CALCRL: variants seen among roughly 807,000 people sequenced by gnomAD.
CALCRL encodes calcitonin receptor like receptor, also known as calcitonin gene-related peptide type 1 receptor.
A neutral mutation model predicts 60.4 loss-of-function variants in CALCRL; 27 were observed. The observed-to-expected ratio is 0.45, with a 90% CI of 0.33 to 0.62. CALCRL has a LOEUF of 0.62. CALCRL is among the 20% of genes least tolerant of loss of function. The probability of loss-of-function intolerance (pLI) is 0.03; values close to 1 mark genes in which losing one functional copy is unlikely to be tolerated. For synonymous variants in CALCRL, 190 were observed against 182.6 expected (o/e 1.04, Z -0.33); for missense variants, 424 against 540.7 (o/e 0.78, Z 2.14).
intron 1 of CALCRL, among the ~76,000 whole-genome samples, chr2:187,393,126 C>T (rs1326259603): frequency 6.6e-6 from 1 of 151,990 alleles, no homozygotes; most frequent in African/African-American, 2.4e-5. Context: ...GTAGTAAACA[C>T]CATGTCCTCA....
chr2:187,372,611 A>G (rs1687580164), intron 8 of CALCRL, among the ~76,000 whole-genome samples: 1 of 152,166 alleles, frequency 6.6e-6, no homozygotes, highest in Non-Finnish European at 1.5e-5. Context: ...ACAGTACCCT[A>G]AATCAACTTT....
At chr2:187,363,572 A>T in intron 8 of CALCRL, 70 bp from the exon 9 acceptor site, 1 of 1,398,744 alleles carries the variant, frequency 7.1e-7, no homozygotes, top group East Asian at 2.5e-5. Flanking sequence ...TTCAAATAAG[A>T]TACATTCCCA....
intron 1 of CALCRL, among the ~76,000 whole-genome samples, chr2:187,427,590 A>G (rs558124988): frequency 1.3e-5 from 2 of 152,290 alleles, no homozygotes; most frequent in Non-Finnish European, 2.9e-5. Flanking sequence ...AATAATTGCT[A>G]TTACATTGGT....
At chr2:187,424,050 T>G (rs1690014333) in intron 1 of CALCRL, among the ~76,000 whole-genome samples, 1 of 152,056 alleles carries the variant, frequency 6.6e-6, no homozygotes, top group Admixed American at 6.6e-5. Context: ...ATTTAAAGTT[T>G]AATGGATATT....
intron 1 of CALCRL, among the ~76,000 whole-genome samples, chr2:187,435,407 A>G (rs1431244104): frequency 1.3e-5 from 2 of 152,194 alleles, no homozygotes; most frequent in African/African-American, 4.8e-5. Flanking sequence ...TAGGTCATTC[A>G]TGAGGGAGCC....
At chr2:187,396,917 C>T (rs999374727) in intron 1 of CALCRL, among the ~76,000 whole-genome samples, 3 of 151,604 alleles carry the variant, frequency 2.0e-5, no homozygotes, top group Non-Finnish European at 4.4e-5. Flanking sequence ...GGGATGATGT[C>T]TAATACCAGT....
chr2:187,381,781 A>G (rs1687995963), intron 5 of CALCRL, among the ~76,000 whole-genome samples: 1 of 152,138 alleles, frequency 6.6e-6, no homozygotes, highest in South Asian at 2.1e-4. Context: ...CTTGTCAGAT[A>G]GAGATAGAAC....
intron 1 of CALCRL, among the ~76,000 whole-genome samples, chr2:187,397,873 G>T (rs1219407636): frequency 6.6e-6 from 1 of 151,694 alleles, no homozygotes; most frequent in African/African-American, 2.4e-5. Context: ...AACAACAAAA[G>T]AAAACATTGA....
chr2:187,408,159 T>A (rs1349013247), intron 1 of CALCRL, among the ~76,000 whole-genome samples: 7 of 152,032 alleles, frequency 4.6e-5, no homozygotes, highest in African/African-American at 1.4e-4. Flanking sequence ...ATAAATACAT[T>A]AAGTATTGAA....
chr2:187,400,496 G>T (rs1023932290), intron 1 of CALCRL, among the ~76,000 whole-genome samples: 1 of 151,302 alleles, frequency 6.6e-6, no homozygotes, highest in African/African-American at 2.4e-5. Context: ...GTTAAACATA[G>T]AGTTACTATA....
chr2:187,348,014 A>G (rs1217062360), intron 14 of CALCRL, among the ~76,000 whole-genome samples: 5 of 151,790 alleles, frequency 3.3e-5, no homozygotes, highest in Admixed American at 2.0e-4. Context: ...TATGGTAACC[A>G]TATCTGAAGA....
At chr2:187,418,539 A>G (rs1056356640) in intron 1 of CALCRL, among the ~76,000 whole-genome samples, 5 of 152,012 alleles carry the variant, frequency 3.3e-5, no homozygotes, top group Admixed American at 2.6e-4. Flanking sequence ...ATCGACTTCT[A>G]TTGTTATTTT....
At chr2:187,420,654 G>C (rs557982272) in intron 1 of CALCRL, among the ~76,000 whole-genome samples, 11 of 152,076 alleles carry the variant, frequency 7.2e-5, no homozygotes, top group Non-Finnish European at 1.3e-4. Flanking sequence ...AGTGCATTGT[G>C]AGTGAAAAAA....
chr2:187,406,926 A>T (rs761406976), intron 1 of CALCRL, among the ~76,000 whole-genome samples: 30 of 152,166 alleles, frequency 2.0e-4, no homozygotes, highest in Admixed American at 1.3e-3. Flanking sequence ...AGTGTTTGTG[A>T]AGTCTACCAT....
intron 8 of CALCRL, among the ~76,000 whole-genome samples, chr2:187,377,145 C>A (rs1389955225): frequency 6.6e-6 from 1 of 151,978 alleles, no homozygotes; most frequent in African/African-American, 2.4e-5. Context: ...AATGGAAAAT[C>A]TAAAAATTTT....
chr2:187,410,523 G>A (rs1036907735), intron 1 of CALCRL, among the ~76,000 whole-genome samples: 1 of 152,194 alleles, frequency 6.6e-6, no homozygotes, highest in African/African-American at 2.4e-5. Flanking sequence ...TGGCTGTTGA[G>A]AGAGAAGGGA....
chr2:187,344,842 T>C lies in CALCRL; in HGVS notation c.*1342A>G, dbSNP rs1686214401. 6.6e-6 allele frequency: 1 copy of C among 151,670 alleles called. No individual in the cohort carries two copies. Among genetic ancestry groups the C allele is most frequent in the Non-Finnish European group, 1.5e-5 (1 of 67,722 alleles). The allele number at this position is 151,670 out of a possible 1,614,324, so 9.4% of individuals were successfully genotyped here. ...TAATATTTTAATGGGGTAAAATCTA[T>C]AAAAGTAGCAGATTGGTATTTATCA... On this transcript the variant is annotated 3_prime_UTR_variant, in exon 15 of 15. Transcript: ENST00000392370.
intron 1 of CALCRL, among the ~76,000 whole-genome samples, chr2:187,433,729 A>G (rs764641152): frequency 2.6e-5 from 4 of 152,098 alleles, no homozygotes; most frequent in Admixed American, 6.6e-5. Context: ...TAATGTTGCC[A>G]TGGTGAAATA....
chr2:187,394,188 G>C (rs530852741), intron 1 of CALCRL, among the ~76,000 whole-genome samples: 53 of 152,172 alleles, frequency 3.5e-4, no homozygotes, highest in African/African-American at 1.2e-3. Context: ...CCACATGCAA[G>C]GACTAGAAAG....
Sources: gnomAD v4.1 joint callset for allele counts (sites outside exome capture counted in the v4.1 genomes callset) on GRCh38, gnomAD v4.1.1 for gene constraint, MANE v1.5 for transcripts, NCBI Gene and HGNC (gene_info 2026-07-23, HGNC 2026-07-21) for gene names.